Variants in TMEM131L observed in about 807,000 individuals in gnomAD.
The protein encoded by TMEM131L is transmembrane protein 131-like.
A neutral mutation model predicts 192.2 loss-of-function variants in TMEM131L; 54 were observed. The ratio of observed to expected loss-of-function variants is 0.28; its 90% confidence interval spans 0.23 to 0.35. TMEM131L has a LOEUF of 0.35. Among genes scored for constraint, TMEM131L ranks in the 10% least tolerant of loss-of-function variants. TMEM131L has a pLI of 1.00. For synonymous variants in TMEM131L, 701 were observed against 704.9 expected (o/e 0.99, Z 0.09); for missense variants, 1,888 against 1,972.9 (o/e 0.96, Z 0.82).
intron 3 of TMEM131L, among the ~76,000 whole-genome samples, chr4:153,494,272 G>T (rs982982576): frequency 3.3e-5 from 5 of 152,180 alleles, no homozygotes; most frequent in Non-Finnish European, 5.9e-5. Flanking sequence ...TCTTAAGGAA[G>T]TAGGATAAAT....
intron 3 of TMEM131L, among the ~76,000 whole-genome samples, chr4:153,516,920 G>A (rs919331331): frequency 5.3e-5 from 8 of 152,182 alleles, no homozygotes; most frequent in African/African-American, 9.6e-5. Flanking sequence ...TCCGCATCCC[G>A]GGTTCCAACG....
Position 153,592,459 on chromosome 4 carries a change from C to A in TMEM131L, c.1813-16C>A. 6.3e-7 allele frequency: 1 copy of A among 1,597,090 alleles called. No individual in the cohort carries two copies. Among genetic ancestry groups the A allele is most frequent in the Non-Finnish European group, 8.6e-7 (1 of 1,164,628 alleles). On this transcript the variant is annotated splice_polypyrimidine_tract_variant and intron_variant, in intron 17 of 34. Coordinates refer to ENST00000409959, the MANE Select transcript of TMEM131L (RefSeq NM_001131007.2). ...TGTCCCTCTCGGGGTTTTAACTTTTCTTTCCTCACACCTAGATCAAGTACT... is the reference window on the plus strand; with the variant it reads ...TGTCCCTCTCGGGGTTTTAACTTTTATTTCCTCACACCTAGATCAAGTACT...
At chr4:153,494,199 T>G (rs1419098460) in intron 3 of TMEM131L, among the ~76,000 whole-genome samples, 1 of 152,144 alleles carries the variant, frequency 6.6e-6, no homozygotes, top group East Asian at 1.9e-4. Flanking sequence ...ATAGTGGAAT[T>G]TGTAGTTGGC....
intron 2 of TMEM131L, 64 bp downstream of exon 2, chr4:153,467,345 C>T: frequency 7.4e-7 from 1 of 1,354,616 alleles, no homozygotes; most frequent in Non-Finnish European, 1.0e-6. Flanking sequence ...GGGAGGCCCC[C>T]GGTCCTCCCC....
intron 3 of TMEM131L, among the ~76,000 whole-genome samples, chr4:153,523,951 C>T (rs958559347): frequency 2.0e-5 from 3 of 152,074 alleles, no homozygotes; most frequent in Non-Finnish European, 2.9e-5. Context: ...GATTATCAGC[C>T]CTGCCCTTAC....
Position 153,603,319 on chromosome 4 carries a change from G to A in TMEM131L, c.2656G>A (p.Val886Met). The change falls in exon 24 of 35, where the codon GTG becomes ATG. Residue 886 changes from valine to methionine, a missense_variant. Transcript: ENST00000409959. ...VFFVSLSLLG[V>M]ILIAFQQAQY... ...CTTCCTCAGTTTGTCCCTGTTGGGT[G>A]TGATTTTAATAGCCTTCCAACAAGC... is the stretch of plus-strand genomic sequence containing the variant. 4.3e-6 allele frequency: 7 copies of A among 1,613,748 alleles called. No homozygotes were observed. The highest frequency in any genetic ancestry group is 4.2e-6 in the Non-Finnish European group (5 of 1,179,838).
In TMEM131L at chr4:153,586,230, T is replaced by C; in HGVS notation, c.1333T>C (p.Leu445=). Residue 445 remains leucine (L), a synonymous_variant, in exon 14 of 35, where the codon TTA becomes CTA. Coordinates refer to ENST00000409959, the MANE Select transcript of TMEM131L (RefSeq NM_001131007.2). ...MLKILNFTGP[L]FLPPGCWNIF... The stretch of plus-strand genomic sequence containing the variant: ...TTAGATTCTGAATTTCACTGGCCCT[T>C]TATTTCTACCTCCAGGCTGTTGGAA... 1 of 1,575,868 alleles carries C rather than the reference T, an allele frequency of 6.3e-7. No individual in the cohort carries two copies. Among genetic ancestry groups the C allele is most frequent in the Non-Finnish European group, 8.6e-7 (1 of 1,167,566 alleles).
intron 1 of TMEM131L, 105 bp downstream of exon 1, chr4:153,466,626 A>G: frequency 9.2e-7 from 1 of 1,084,620 alleles, no homozygotes; most frequent in Non-Finnish European, 1.2e-6. Context: ...GGAAAGGGAA[A>G]GGGGCAGGAG....
intron 25 of TMEM131L, among the ~76,000 whole-genome samples, chr4:153,607,261 A>G (rs1732303425): frequency 6.6e-6 from 1 of 152,238 alleles, no homozygotes; most frequent in Non-Finnish European, 1.5e-5. Flanking sequence ...AATGCTTGAG[A>G]ATGAGAAAAG....
chr4:153,485,627 A>G (rs1465419220), intron 3 of TMEM131L, among the ~76,000 whole-genome samples: 1 of 152,198 alleles, frequency 6.6e-6, no homozygotes, highest in Non-Finnish European at 1.5e-5. Context: ...TGCTGCCACT[A>G]AATTATTTAC....
chr4:153,493,345 C>CAAAAAAAAAAAAAAAAAAA (rs35052272), intron 3 of TMEM131L, among the ~76,000 whole-genome samples: 14 of 72,860 alleles, frequency 1.9e-4, no homozygotes, highest in African/African-American at 9.3e-4. Flanking sequence ...GACTCTGTCT[C>CAAAAAAAAAAAAAAAAAAA]AAAAAAAAAA....
chr4:153,506,449 C>T (rs1176359211), intron 3 of TMEM131L, among the ~76,000 whole-genome samples: 1 of 152,178 alleles, frequency 6.6e-6, no homozygotes, highest in African/African-American at 2.4e-5. Flanking sequence ...AAACAGTTTA[C>T]ACAGTGACTC....
At chr4:153,540,142 AC>A (rs1228700393) in intron 3 of TMEM131L, among the ~76,000 whole-genome samples, 2 of 149,142 alleles carry the variant, frequency 1.3e-5, no homozygotes, top group East Asian at 2.1e-4. Context: ...AAAAAAAAAA[AC>A]CCCAAAACAA....
Position 153,523,968 on chromosome 4 carries a change from A to G in TMEM131L, c.240-26105A>G, listed in dbSNP as rs142147256. Among the ~76,000 whole-genome samples the G allele has an allele frequency of 3.3e-5, 5 of 152,250 alleles. No individual in the cohort carries two copies. In the East Asian group the frequency reaches 9.6e-4, roughly 29 times the overall value. On this transcript the variant is annotated intron_variant, in intron 3 of 34. Coordinates refer to ENST00000409959, the MANE Select transcript of TMEM131L (RefSeq NM_001131007.2). ...TTATCAGCCCTGCCCTTACTTCATG[A>G]CATAGTTTTCTCATTAGAAAATTCA...
intron 22 of TMEM131L, 81 bp from the exon 23 acceptor site, chr4:153,602,461 T>C (rs1462147757): frequency 7.9e-6 from 12 of 1,520,434 alleles, no homozygotes; most frequent in African/African-American, 1.4e-5. Flanking sequence ...TTTGTAGGAG[T>C]ATGATGTGTT....
chr4:153,605,123 G>T (rs1373802778), intron 25 of TMEM131L, among the ~76,000 whole-genome samples: 3 of 152,198 alleles, frequency 2.0e-5, no homozygotes, highest in Non-Finnish European at 4.4e-5. Flanking sequence ...ATCTCAGGTT[G>T]CCTGGCCCTG....
At chr4:153,580,782 A>T in intron 7 of TMEM131L, 44 bp from the exon 8 acceptor site, 1 of 1,115,230 alleles carries the variant, frequency 9.0e-7, no homozygotes, top group Non-Finnish European at 1.4e-6. Flanking sequence ...TGTGAGATTG[A>T]GCCTTTTACT....
intron 3 of TMEM131L, among the ~76,000 whole-genome samples, chr4:153,496,151 A>G (rs907499883): frequency 6.6e-6 from 1 of 152,230 alleles, no homozygotes. Flanking sequence ...AGATTAGGCT[A>G]TGGGTTTAAC....
At chr4:153,505,147 C>T (rs1014420668) in intron 3 of TMEM131L, among the ~76,000 whole-genome samples, 3 of 149,552 alleles carry the variant, frequency 2.0e-5, no homozygotes, top group African/African-American at 5.0e-5. Context: ...CGCTCTGTTG[C>T]CCAGGCTGGA....
Sources: allele counts gnomAD v4.1 joint callset (sites outside exome capture counted in the v4.1 genomes callset), GRCh38; gene constraint gnomAD v4.1.1; transcripts MANE v1.5; gene names NCBI Gene and HGNC (gene_info 2026-07-23, HGNC 2026-07-21).